Variants in SYT1 observed in about 807,000 individuals in gnomAD.
SYT1 encodes the protein synaptotagmin 1, also known as synaptotagmin-1.
A neutral mutation model predicts 44.8 loss-of-function variants in SYT1; 8 were observed. The ratio of observed to expected loss-of-function variants is 0.18; its 90% CI spans 0.10 to 0.32. The LOEUF (loss-of-function observed/expected upper bound fraction) is 0.32. Among genes scored for constraint, SYT1 ranks in the 10% least tolerant of loss-of-function variants. SYT1 has a pLI of 1.00. For synonymous variants in SYT1, 154 were observed against 188.8 expected (o/e 0.82, Z 1.51); for missense variants, 286 against 509.3 (o/e 0.56, Z 4.22).
intron 3 of SYT1, among the ~76,000 whole-genome samples, chr12:79,121,965 G>A (rs545433189): frequency 6.6e-6 from 1 of 152,130 alleles, no homozygotes; most frequent in Non-Finnish European, 1.5e-5. Context: ...GTGGTAAAGG[G>A]GAACTAAGAA....
chr12:79,024,253 G>A (rs888897529), intron 2 of SYT1, among the ~76,000 whole-genome samples: 1 of 151,718 alleles, frequency 6.6e-6, no homozygotes, highest in African/African-American at 2.4e-5. Context: ...TGAGAGAGGC[G>A]TGTGGCCAGC....
intron 9 of SYT1, among the ~76,000 whole-genome samples, chr12:79,430,394 T>TTGA (rs1869705407): frequency 6.6e-6 from 1 of 152,218 alleles, no homozygotes; most frequent in African/African-American, 2.4e-5. Context: ...TTTTTAGGAA[T>TTGA]TGATGTCTTC....
chr12:78,882,392 T>A (rs1874507524), intron 1 of SYT1, among the ~76,000 whole-genome samples: 1 of 151,764 alleles, frequency 6.6e-6, no homozygotes, highest in African/African-American at 2.4e-5. Flanking sequence ...ACAAATTTAA[T>A]CACTCTATGA....
chr12:79,108,710 G>T (rs1425828000), intron 3 of SYT1, among the ~76,000 whole-genome samples: 1 of 152,050 alleles, frequency 6.6e-6, no homozygotes, highest in East Asian at 1.9e-4. Flanking sequence ...TCAAATTCAA[G>T]AAAGTTATGT....
At chr12:79,280,719 C>A (rs117966152) in intron 4 of SYT1, among the ~76,000 whole-genome samples, 7,002 of 151,896 alleles carry the variant, frequency 0.046, 181 homozygotes, top group African/African-American at 0.062. Context: ...AATAGACAAC[C>A]TATAGAATGG....
intron 9 of SYT1, among the ~76,000 whole-genome samples, chr12:79,363,010 C>A (rs996854597): frequency 1.3e-5 from 2 of 152,112 alleles, no homozygotes; most frequent in Non-Finnish European, 2.9e-5. Flanking sequence ...ACCCCTCATG[C>A]CTTTCCATGG....
Position 78,890,291 on chromosome 12 carries a change from A to T in SYT1, c.-217+25182A>T, listed in dbSNP as rs997187888. On this transcript the variant is annotated intron_variant, in intron 1 of 10. Transcript: ENST00000261205. ...ATCATCATATTAGAGATGAATTTCC[A>T]TAGTGGGAGGGAAAGAACCTTAGAT... 2.6e-5 allele frequency among the ~76,000 whole-genome samples: 4 copies of T among 151,926 alleles called. No homozygotes were observed. In the South Asian group the frequency reaches 8.3e-4, roughly 31 times the overall value.
chr12:79,019,784 A>G (rs944581993), intron 2 of SYT1, among the ~76,000 whole-genome samples: 10 of 152,010 alleles, frequency 6.6e-5, no homozygotes, highest in African/African-American at 2.4e-4. Context: ...TGTCAGTGAA[A>G]CAAAACAAAT....
At chr12:79,358,698 C>G (rs1883204585) in intron 9 of SYT1, among the ~76,000 whole-genome samples, 2 of 152,246 alleles carry the variant, frequency 1.3e-5, no homozygotes, top group South Asian at 4.1e-4. Flanking sequence ...GCCCACACCC[C>G]TACCTTCAAG....
At chr12:79,208,304 C>T (rs1354218834) in intron 3 of SYT1, among the ~76,000 whole-genome samples, 4 of 152,140 alleles carry the variant, frequency 2.6e-5, no homozygotes, top group African/African-American at 9.7e-5. Flanking sequence ...AACTCGTGGG[C>T]TGCTTTAATG....
At chr12:79,035,623 C>T (rs1873080397) in intron 2 of SYT1, among the ~76,000 whole-genome samples, 1 of 151,596 alleles carries the variant, frequency 6.6e-6, no homozygotes, top group East Asian at 1.9e-4. Flanking sequence ...CACTTCCTGC[C>T]CACAAAGCCA....
At chr12:79,383,179 C>T (rs1884296237) in intron 9 of SYT1, among the ~76,000 whole-genome samples, 1 of 152,268 alleles carries the variant, frequency 6.6e-6, no homozygotes, top group African/African-American at 2.4e-5. Context: ...TTGCACAAAC[C>T]TAGGTGTTGT....
intron 3 of SYT1, among the ~76,000 whole-genome samples, chr12:79,153,415 A>C (rs752804213): frequency 2.6e-5 from 4 of 152,140 alleles, no homozygotes; most frequent in African/African-American, 9.6e-5. Context: ...ACTACCTAAA[A>C]GAAAAATCGA....
At chr12:79,311,660 C>A (rs1490207601) in intron 8 of SYT1, among the ~76,000 whole-genome samples, 1 of 135,746 alleles carries the variant, frequency 7.4e-6, no homozygotes, top group South Asian at 2.6e-4. Context: ...AAATGTGGCA[C>A]ATATACACCA....
intron 1 of SYT1, among the ~76,000 whole-genome samples, chr12:78,891,817 A>C (rs141874007): frequency 6.6e-6 from 1 of 151,948 alleles, no homozygotes; most frequent in Admixed American, 6.6e-5. Flanking sequence ...TTAAAAGCTA[A>C]GTAATGGGTG....
intron 1 of SYT1, among the ~76,000 whole-genome samples, chr12:78,946,213 G>C (rs1878646597): frequency 6.6e-6 from 1 of 152,134 alleles, no homozygotes; most frequent in South Asian, 2.1e-4. Flanking sequence ...CTCTTCCAAT[G>C]AGGGAACAGG....
At position 79,321,430 on chromosome 12, in the gene SYT1, A is replaced by G. The variant is rs530944608; in HGVS notation, c.810+21879A>G. Among the ~76,000 whole-genome samples, 82 of 152,314 alleles carry G rather than the reference A, an allele frequency of 5.4e-4. 1 individual carries two copies. In the Middle Eastern group the frequency reaches 0.02, roughly 38 times the overall value. On this transcript the variant is annotated intron_variant, in intron 8 of 10. Transcript: ENST00000261205. ...ATGGTGACTTTTCCTTTTTTAACAA[A>G]TGGATTGAAGGTTTCCTGAAAAAGT...
intron 9 of SYT1, among the ~76,000 whole-genome samples, chr12:79,358,787 C>T (rs141874537): frequency 5.5e-4 from 83 of 152,152 alleles, no homozygotes; most frequent in African/African-American, 1.8e-3. Flanking sequence ...AAGATGAGGT[C>T]GTCACAGTAG....
intron 9 of SYT1, among the ~76,000 whole-genome samples, chr12:79,420,345 A>T (rs1256401660): frequency 6.6e-6 from 1 of 151,974 alleles, no homozygotes; most frequent in Non-Finnish European, 1.5e-5. Flanking sequence ...TCCCTTAAAA[A>T]CCCTGAAGAG....
Sources: gnomAD v4.1 joint callset for allele counts (sites outside exome capture counted in the v4.1 genomes callset) on GRCh38, gnomAD v4.1.1 for gene constraint, MANE v1.5 for transcripts, NCBI Gene and HGNC (gene_info 2026-07-23, HGNC 2026-07-21) for gene names.